The following DMBT1 variants were observed in gnomAD, a reference collection of about 807,000 sequenced individuals.
DMBT1 encodes deleted in malignant brain tumors 1, also known as scavenger receptor cysteine-rich domain-containing protein DMBT1.
Under a neutral mutation model 252.9 loss-of-function variants are expected in DMBT1, and 198 were observed. The ratio of observed to expected loss-of-function variants is 0.78; its 90% CI spans 0.70 to 0.88. DMBT1 has a LOEUF of 0.88. Ranked by LOEUF, DMBT1 falls within the 40% of genes least tolerant of loss-of-function variation. DMBT1 has a pLI of 0.00. For synonymous variants in DMBT1, 990 were observed against 942.7 expected (o/e 1.05, Z -0.92); for missense variants, 2,432 against 2,404.7 (o/e 1.01, Z -0.24).
At position 122,598,533 on chromosome 10, in the gene DMBT1, G is replaced by T. The variant is rs116194083; in HGVS notation, c.2957-241G>T. Among the ~76,000 whole-genome samples the T allele has an allele frequency of 0.015, 2,323 of 152,284 alleles. 73 individuals are homozygous for T. The highest frequency in any genetic ancestry group is 0.13 in the East Asian group (693 of 5,162). The stretch of plus-strand genomic sequence containing the variant: ...GTTAGGGAATGGGGTTTCCATTCCT[G>T]TTAACTTCAGTAGGGTCACAGATGC... On this transcript the variant is annotated intron_variant, in intron 25 of 55. Coordinates refer to ENST00000338354, the MANE Select transcript of DMBT1 (RefSeq NM_001377530.1).
intron 40 of DMBT1, 38 bp from the exon 41 acceptor site, chr10:122,617,979 G>T: frequency 6.3e-7 from 1 of 1,597,342 alleles, no homozygotes; most frequent in Non-Finnish European, 8.5e-7. Flanking sequence ...TTGACCTCCT[G>T]GTGGGGATGG....
At chr10:122,575,670 G>A (rs927587054) in intron 6 of DMBT1, among the ~76,000 whole-genome samples, 10 of 152,150 alleles carry the variant, frequency 6.6e-5, no homozygotes, top group Non-Finnish European at 1.3e-4. Context: ...ATATCCATGG[G>A]CTTTACTGTT....
At chr10:122,571,813 G>T (rs563849946) in intron 4 of DMBT1, among the ~76,000 whole-genome samples, 1 of 152,346 alleles carries the variant, frequency 6.6e-6, no homozygotes, top group Non-Finnish European at 1.5e-5. Context: ...CAATCACCAA[G>T]TGGAACTGGG....
In DMBT1 at chr10:122,565,973, G is replaced by A; in HGVS notation, c.68G>A (p.Trp23Ter). Residue 23 changes from tryptophan (W) to a stop codon, truncating the protein, a stop_gained, in exon 2 of 56, where the codon TGG (tryptophan) becomes TAG (stop). Coordinates refer to ENST00000338354, the MANE Select transcript of DMBT1 (RefSeq NM_001377530.1). LOFTEE classifies it high-confidence loss of function. ...LWGQVLSTGG[W>*]IPRTTDYASL... ...GAATTTGTGTTCTTTCCAGGTGGGT[G>A]GATCCCAAGGACTACAGACTACGGT... 2 of 1,613,916 alleles carry A rather than the reference G, an allele frequency of 1.2e-6. No individual in the cohort carries two copies. The highest frequency in any genetic ancestry group is 1.7e-5 in the Admixed American group (1 of 60,026).
rs1238175401 is a variant in DMBT1, at chr10:122,565,994, A to G, written c.89A>G (p.Tyr30Cys). Residue 30 changes from tyrosine (Y) to cysteine (C), a missense_variant and splice_region_variant, in exon 2 of 56, where the codon TAC becomes TGC. Tyr to Cys is a radical substitution (Grantham distance 194, BLOSUM62 -2). Transcript: ENST00000338354. Reference sequence around the variant, plus strand: ...GGGTGGATCCCAAGGACTACAGACTACGGTAAGACCTTTTCTTCACTCCTC... The same window carrying G: ...GGGTGGATCCCAAGGACTACAGACTGCGGTAAGACCTTTTCTTCACTCCTC... Reference protein sequence around the residue: ...TGGWIPRTTDYASLIPSEVPL... With the variant: ...TGGWIPRTTDCASLIPSEVPL... The G allele has an allele frequency of 2.5e-6, 4 of 1,613,868 alleles. No homozygotes were observed. Among genetic ancestry groups the G allele is most frequent in the Middle Eastern group, 1.6e-4 (1 of 6,084 alleles).
At chr10:122,599,148 G>T in intron 26 of DMBT1, 51 bp downstream of exon 26, 1 of 1,612,960 alleles carries the variant, frequency 6.2e-7, no homozygotes, top group Admixed American at 1.7e-5. Context: ...GTTTGCTCCA[G>T]AAGAAACTCC....
intron 53 of DMBT1, 94 bp from the exon 54 acceptor site, chr10:122,637,034 C>A (rs1438541775): frequency 8.2e-7 from 1 of 1,223,362 alleles, no homozygotes; most frequent in Non-Finnish European, 1.2e-6. Context: ...CCACCCTGGT[C>A]TGTGCACTTT....
chr10:122,635,564 T>C (rs1242642059), intron 52 of DMBT1, among the ~76,000 whole-genome samples: 1 of 152,186 alleles, frequency 6.6e-6, no homozygotes, highest in African/African-American at 2.4e-5. Flanking sequence ...TTCTTTTTAT[T>C]TTTTGAGACA....
chr10:122,592,620 C>A (rs942531694), intron 20 of DMBT1, 25 bp downstream of exon 20: 1 of 1,588,140 alleles, frequency 6.3e-7, no homozygotes, highest in Admixed American at 1.7e-5. Flanking sequence ...CCTTGGGCTC[C>A]CTCTCCTAGA....
chr10:122,576,324 C>A, intron 6 of DMBT1, 75 bp from the exon 7 acceptor site: 1 of 1,566,664 alleles, frequency 6.4e-7, no homozygotes, highest in Non-Finnish European at 8.7e-7. Flanking sequence ...TGGGGAAGAC[C>A]CTGAATGCCC....
intron 50 of DMBT1, 93 bp downstream of exon 50, chr10:122,631,968 AAGG>A: frequency 7.0e-6 from 10 of 1,418,470 alleles, no homozygotes; most frequent in Non-Finnish European, 1.0e-5. Flanking sequence ...CTCACTCTCC[AAGG>A]AGTTCATCTG....
chr10:122,560,927 T>C, intron 1 of DMBT1, 96 bp downstream of exon 1: 1 of 889,666 alleles, frequency 1.1e-6, no homozygotes, highest in Non-Finnish European at 1.8e-6. Flanking sequence ...GGAAGTTTTA[T>C]ATCAAAGAGT....
At position 122,636,299 on chromosome 10, in the gene DMBT1, C is replaced by A. The variant is rs1213114878; in HGVS notation, c.6757+100C>A. The A allele has an allele frequency of 1.1e-5, 12 of 1,119,626 alleles. No individual in the cohort carries two copies. In the Middle Eastern group the frequency reaches 7.2e-4, roughly 67 times the overall value. 69.4% of individuals were successfully genotyped at this position (1,119,626 alleles called of 1,614,324 possible). A position where few individuals can be genotyped will look rare whatever the true frequency, so the allele number is the denominator to read the frequency against. On this transcript the variant is annotated intron_variant, in intron 53 of 55. Coordinates refer to ENST00000338354, the MANE Select transcript of DMBT1 (RefSeq NM_001377530.1). ...GTTGTGAAATAAGAAATGAAGGAAC[C>A]CTTTCAGGTCACCAGGGCTTGATTT...
intron 9 of DMBT1, among the ~76,000 whole-genome samples, chr10:122,579,292 G>A (rs185574093): frequency 6.6e-6 from 1 of 152,258 alleles, no homozygotes; most frequent in Non-Finnish European, 1.5e-5. Context: ...ATCTGGAGCT[G>A]AGCAGCTCCA....
At chr10:122,619,917 G>T (rs1465455259) in intron 42 of DMBT1, among the ~76,000 whole-genome samples, 2 of 152,192 alleles carry the variant, frequency 1.3e-5, no homozygotes, top group Non-Finnish European at 2.9e-5. Context: ...GCGGCTCCTT[G>T]GTTCCCCTAA....
intron 1 of DMBT1, among the ~76,000 whole-genome samples, chr10:122,561,599 A>T: frequency 1.5e-5 from 1 of 65,816 alleles, no homozygotes; most frequent in South Asian, 4.4e-4. Flanking sequence ...TCTCTTATCT[A>T]TTGTGTAGTT....
At chr10:122,636,973 G>A (rs989293382) in intron 53 of DMBT1, among the ~76,000 whole-genome samples, 155 bp from the exon 54 acceptor site, 24 of 152,200 alleles carry the variant, frequency 1.6e-4, no homozygotes, top group African/African-American at 5.1e-4. Context: ...GTCCTTGGGG[G>A]ATTGCAGTGA....
At position 122,643,385 on chromosome 10, in the gene DMBT1, A is replaced by G. The variant is rs1844927262; in HGVS notation, c.7616A>G (p.Glu2539Gly). 1 of 1,612,858 alleles carries G rather than the reference A, an allele frequency of 6.2e-7. No individual in the cohort carries two copies. Among genetic ancestry groups the G allele is most frequent in the African/African-American group, 1.3e-5 (1 of 74,856 alleles). The change falls in exon 56 of 56, where the codon GAG (glutamate) becomes GGG (glycine). Residue 2539 changes from glutamate to glycine, a missense_variant. By Grantham distance (98) the Glu-to-Gly change is moderately conservative. Transcript: ENST00000338354. ...CTGCAGACCCCCCCACGCCGAGAAGAGGAGCCTCGGTAGGTGGTCGCTCTC... is the reference window on the plus strand; with the variant it reads ...CTGCAGACCCCCCCACGCCGAGAAGGGGAGCCTCGGTAGGTGGTCGCTCTC... ...IQLQTPPRRE[E>G]EPR is the part of the protein sequence containing the mutation.
chr10:122,574,592 A>G (rs1230861261), intron 6 of DMBT1, among the ~76,000 whole-genome samples: 1 of 152,138 alleles, frequency 6.6e-6, no homozygotes, highest in African/African-American at 2.4e-5. Flanking sequence ...AAGACACTTG[A>G]AGTGAGGGTG....
Sources: gnomAD v4.1 joint callset for allele counts (sites outside exome capture counted in the v4.1 genomes callset) on GRCh38, gnomAD v4.1.1 for gene constraint, MANE v1.5 for transcripts, NCBI Gene and HGNC (gene_info 2026-07-23, HGNC 2026-07-21) for gene names.